COL15A1: variants seen among roughly 807,000 people sequenced by gnomAD.
COL15A1 encodes the protein collagen type XV alpha 1 chain, also known as collagen alpha-1(XV) chain.
COL15A1 carries 111 observed loss-of-function variants against 165.9 expected under a neutral mutation model. The ratio of observed to expected loss-of-function variants is 0.67; its 90% CI spans 0.57 to 0.78. The LOEUF (loss-of-function observed/expected upper bound fraction) is 0.78. COL15A1 is among the 30% of genes least tolerant of loss of function. The probability of loss-of-function intolerance (pLI) is 0.00; values close to 1 mark genes in which losing one functional copy is unlikely to be tolerated. For missense variants in COL15A1, 1,745 were observed against 1,789.7 expected, an observed-to-expected ratio of 0.98 and a Z score of 0.45; for synonymous variants, 659 against 674.8, an observed-to-expected ratio of 0.98 and a Z score of 0.36.
At chr9:99,050,084 A>T (rs1263551208) in intron 30 of COL15A1, among the ~76,000 whole-genome samples, 189 bp downstream of exon 30, 8 of 152,180 alleles carry the variant, frequency 5.3e-5, no homozygotes, top group African/African-American at 1.7e-4. Flanking sequence ...AATATACTGG[A>T]TCTTCTAAGG....
chr9:98,996,949 G>T lies in COL15A1; in HGVS notation c.820G>T (p.Val274Phe), dbSNP rs1213504721. 1.2e-6 allele frequency: 2 copies of T among 1,613,990 alleles called. No homozygotes were observed. The highest frequency in any genetic ancestry group is 1.7e-6 in the Non-Finnish European group (2 of 1,179,910). ...CTCCCTTCAGCCCAAAGAAGCAAAA[G>T]TTGAACCCATAAACACACCTCCAAC... ...YTQASPKEAK[V>F]EPINTPPTPS... Residue 274 changes from valine to phenylalanine, a missense_variant, in exon 6 of 42, where the codon GTT (valine) becomes TTT (phenylalanine). Coordinates refer to ENST00000375001, the MANE Select transcript of COL15A1 (RefSeq NM_001855.5).
intron 8 of COL15A1, 71 bp from the exon 9 acceptor site, chr9:99,004,827 T>G: frequency 6.3e-7 from 1 of 1,591,382 alleles, no homozygotes. Flanking sequence ...CCTGGCCTTC[T>G]GTTCCTTACC....
intron 2 of COL15A1, among the ~76,000 whole-genome samples, chr9:98,980,923 G>A (rs139094796): frequency 2.0e-5 from 3 of 152,218 alleles, no homozygotes; most frequent in South Asian, 2.1e-4. Context: ...TGCATGACAC[G>A]GTTGCTTCAG....
At chr9:98,970,455 T>C (rs1372906244) in intron 2 of COL15A1, among the ~76,000 whole-genome samples, 1 of 152,248 alleles carries the variant, frequency 6.6e-6, no homozygotes, top group African/African-American at 2.4e-5. Flanking sequence ...AAGAGCAGTC[T>C]GAGCTCTCTG....
At chr9:99,011,916 T>A (rs1467389319) in intron 9 of COL15A1, among the ~76,000 whole-genome samples, 1 of 152,220 alleles carries the variant, frequency 6.6e-6, no homozygotes, top group African/African-American at 2.4e-5. Flanking sequence ...AGATTAAATA[T>A]ATGGTTATTT....
chr9:98,992,335 G>A (rs967868796), intron 5 of COL15A1, among the ~76,000 whole-genome samples: 2 of 152,258 alleles, frequency 1.3e-5, no homozygotes, highest in African/African-American at 4.8e-5. Context: ...ACCCTCTGCA[G>A]CTGCTGGCCT....
At position 99,013,048 on chromosome 9, in the gene COL15A1, C is replaced by G. The variant is rs11791964; in HGVS notation, c.1354-2369C>G. Among the ~76,000 whole-genome samples, 6 of 152,092 alleles carry G rather than the reference C, an allele frequency of 3.9e-5. No homozygotes were observed. The East Asian group carries it at 9.7e-4, about 24-fold the overall frequency. On this transcript the variant is annotated intron_variant, in intron 9 of 41. Coordinates refer to ENST00000375001, the MANE Select transcript of COL15A1 (RefSeq NM_001855.5). ...TTTAAGGGACGAACTGAGCTGTGGCCTAGCATTTTAGTGGAGTGTGTCAAA... is the reference window on the plus strand; with the variant it reads ...TTTAAGGGACGAACTGAGCTGTGGCGTAGCATTTTAGTGGAGTGTGTCAAA...
chr9:99,056,352 TGGGCCACCGGGGCCCCCG>T lies in COL15A1; in HGVS notation c.3294_3311del (p.Gly1102_Pro1107del). On this transcript the variant is annotated inframe_deletion, in exon 35 of 42. Coordinates refer to ENST00000375001, the MANE Select transcript of COL15A1 (RefSeq NM_001855.5). ...CTGGCTTTGGAAGACCTGGTGATCC[TGGGCCACCGGGGCCCCCG>T]GGGCCACCAGGACCTCCAGCTATCC... 3.7e-6 allele frequency: 6 copies of T among 1,613,630 alleles called. No homozygotes were observed. The highest frequency in any genetic ancestry group is 5.1e-6 in the Non-Finnish European group (6 of 1,179,994).
chr9:98,965,750 C>T (rs576490102), intron 2 of COL15A1, among the ~76,000 whole-genome samples: 39 of 152,322 alleles, frequency 2.6e-4, no homozygotes, highest in African/African-American at 7.9e-4. Flanking sequence ...CCCCAGTGGG[C>T]GGGGAGTGCT....
chr9:99,025,043 T>G (rs1839099827), intron 15 of COL15A1, 44 bp downstream of exon 15: 1 of 1,593,792 alleles, frequency 6.3e-7, no homozygotes, highest in Non-Finnish European at 8.6e-7. Context: ...GCTGTGGGGC[T>G]TCCTTTAGCA....
chr9:99,031,007 G>T (rs1839206529), intron 16 of COL15A1, among the ~76,000 whole-genome samples: 1 of 152,274 alleles, frequency 6.6e-6, no homozygotes, highest in East Asian at 1.9e-4. Flanking sequence ...CCCTGGTGAG[G>T]CTGGCCAGCA....
In COL15A1 at chr9:98,989,128, T is replaced by C. The variant is rs368534623; in HGVS notation, c.724-50T>C. 319 of 1,454,694 alleles carry C rather than the reference T, an allele frequency of 2.2e-4. 1 individual carries two copies. The highest frequency in any genetic ancestry group is 2.5e-4 in the Non-Finnish European group (256 of 1,035,248). The allele number at this position is 1,454,694 out of a possible 1,614,324, so 90.1% of individuals were successfully genotyped here. On this transcript the variant is annotated intron_variant, in intron 4 of 41. Coordinates refer to ENST00000375001, the MANE Select transcript of COL15A1 (RefSeq NM_001855.5). ...AACTTTCCCAGTCATCCAACTCTTA[T>C]GGGCCCTGCCCGCTCTGCCCGGTGT...
chr9:99,066,153 T>C (rs996511886), intron 39 of COL15A1, among the ~76,000 whole-genome samples: 1 of 150,626 alleles, frequency 6.6e-6, no homozygotes, highest in African/African-American at 2.5e-5. Context: ...TGTTCCTTGA[T>C]TATGGAATGC....
At chr9:98,969,078 A>G (rs1838002482) in intron 2 of COL15A1, among the ~76,000 whole-genome samples, 1 of 152,198 alleles carries the variant, frequency 6.6e-6, no homozygotes, top group South Asian at 2.1e-4. Flanking sequence ...TTCTCATTCA[A>G]AACTCTACTG....
intron 6 of COL15A1, among the ~76,000 whole-genome samples, chr9:98,998,184 G>A (rs553036781): frequency 1.3e-5 from 2 of 152,214 alleles, no homozygotes; most frequent in Non-Finnish European, 2.9e-5. Context: ...TCATCAAAAT[G>A]TTATAAGCAG....
chr9:98,970,473 A>G (rs962950140), intron 2 of COL15A1, among the ~76,000 whole-genome samples: 1 of 152,194 alleles, frequency 6.6e-6, no homozygotes, highest in African/African-American at 2.4e-5. Context: ...CTGAGCCCTT[A>G]AGGGGGTAGC....
At chr9:99,065,473 T>C (rs1825876092) in intron 39 of COL15A1, among the ~76,000 whole-genome samples, 1 of 151,702 alleles carries the variant, frequency 6.6e-6, no homozygotes, top group Non-Finnish European at 1.5e-5. Context: ...AGGGTGTATA[T>C]GTGGAGGTGG....
intron 9 of COL15A1, among the ~76,000 whole-genome samples, chr9:99,011,823 G>T (rs915224010): frequency 2.6e-5 from 4 of 152,058 alleles, no homozygotes. Flanking sequence ...TATGAAAACT[G>T]CAATAGTCAT....
At chr9:99,038,820 C>T (rs545982279) in intron 22 of COL15A1, 87 bp downstream of exon 22, 3 of 794,776 alleles carry the variant, frequency 3.8e-6, no homozygotes, top group African/African-American at 3.4e-5. Flanking sequence ...ATCCTTTTAG[C>T]TCCTGAAGCG....
Sources: gnomAD v4.1 joint callset for allele counts (sites outside exome capture counted in the v4.1 genomes callset) on GRCh38, gnomAD v4.1.1 for gene constraint, MANE v1.5 for transcripts, NCBI Gene and HGNC (gene_info 2026-07-23, HGNC 2026-07-21) for gene names.